Variants in CYRIA observed in about 807,000 individuals in gnomAD.
The protein encoded by CYRIA is CYFIP related Rac1 interactor A.
A neutral mutation model predicts 43.9 loss-of-function variants in CYRIA; 15 were observed. The observed-to-expected ratio is 0.34, with a 90% CI of 0.23 to 0.53. CYRIA has a LOEUF of 0.53. Ranked by LOEUF, CYRIA falls within the 20% of genes least tolerant of loss-of-function variation. CYRIA has a pLI of 0.94. For synonymous variants in CYRIA, 117 were observed against 136.0 expected (o/e 0.86, Z 0.97); for missense variants, 236 against 394.2 (o/e 0.60, Z 3.40).
At chr2:16,616,404 C>T (rs1668793961) in intron 2 of CYRIA, among the ~76,000 whole-genome samples, 1 of 152,200 alleles carries the variant, frequency 6.6e-6, no homozygotes, top group South Asian at 2.1e-4. Flanking sequence ...CACCCTTTGT[C>T]AACTCTCCAG....
At position 16,575,907 on chromosome 2, in the gene CYRIA, A is replaced by AAAT. The variant is rs1558409273; in HGVS notation, c.71-10141_71-10140insATT. On this transcript the variant is annotated intron_variant, in intron 3 of 11. Coordinates refer to ENST00000381323, the MANE Select transcript of CYRIA (RefSeq NM_030797.4). ...TAAATAAATAAATAAATAAATAAAT[A>AAAT]AAGAGCAGTTCCCCTGCACAAGCTC... Among the ~76,000 whole-genome samples, 5 of 151,922 alleles carry AAAT rather than the reference A, an allele frequency of 3.3e-5. No individual in the cohort carries two copies. The South Asian group carries it at 1.0e-3, about 32-fold the overall frequency.
At chr2:16,557,517 T>A (rs963414685) in intron 10 of CYRIA, among the ~76,000 whole-genome samples, 9 of 151,382 alleles carry the variant, frequency 5.9e-5, no homozygotes, top group African/African-American at 2.2e-4. Flanking sequence ...AACAGACTAG[T>A]ATCTGAATGG....
chr2:16,587,985 C>T, intron 3 of CYRIA, 65 bp downstream of exon 3: 1 of 1,010,478 alleles, frequency 9.9e-7, no homozygotes, highest in Non-Finnish European at 1.5e-6. Flanking sequence ...TATGTTATAA[C>T]TTCCTTATCA....
chr2:16,608,707 A>T (rs1422171680), intron 2 of CYRIA, among the ~76,000 whole-genome samples: 1 of 152,258 alleles, frequency 6.6e-6, no homozygotes, highest in African/African-American at 2.4e-5. Context: ...TTAGTGTAGC[A>T]TCTGGCATGC....
chr2:16,601,641 G>A (rs1312105193), intron 2 of CYRIA, among the ~76,000 whole-genome samples: 5 of 150,412 alleles, frequency 3.3e-5, no homozygotes, highest in Non-Finnish European at 7.4e-5. Flanking sequence ...ATGAGAGTTG[G>A]CTTTAAGGCT....
In CYRIA at chr2:16,555,153, G is replaced by T; in HGVS notation, c.838-14C>A. The T allele has an allele frequency of 6.2e-7, 1 of 1,609,300 alleles. No homozygotes were observed. The highest frequency in any genetic ancestry group is 8.5e-7 in the Non-Finnish European group (1 of 1,178,150). The stretch of plus-strand genomic sequence containing the variant: ...GCAGCCTTTCATCTAGGAGGAGAAA[G>T]CACAATGTTTGTTAATATCTTAGTA... On this transcript the variant is annotated splice_polypyrimidine_tract_variant and intron_variant, in intron 10 of 11. Coordinates refer to ENST00000381323, the MANE Select transcript of CYRIA (RefSeq NM_030797.4).
At chr2:16,640,454 G>C (rs1669641752) in intron 1 of CYRIA, among the ~76,000 whole-genome samples, 1 of 152,236 alleles carries the variant, frequency 6.6e-6, no homozygotes, top group South Asian at 2.1e-4. Context: ...GGCATTGAGA[G>C]GGCTTCCATC....
At chr2:16,612,700 C>A (rs719433) in intron 2 of CYRIA, among the ~76,000 whole-genome samples, 44,634 of 152,042 alleles carry the variant, frequency 0.29, 7,395 homozygotes, top group African/African-American at 0.45. Flanking sequence ...GGCTGAGCTG[C>A]GTGAGAAGTC....
At position 16,561,945 on chromosome 2, in the gene CYRIA, CT is replaced by C. The variant is rs1254262858; in HGVS notation, c.435+59del. 7.2e-6 allele frequency: 11 copies of C among 1,530,520 alleles called. No individual in the cohort carries two copies. In the East Asian group the frequency reaches 2.5e-4, roughly 35 times the overall value. The allele number at this position is 1,530,520 out of a possible 1,614,324, so 94.8% of individuals were successfully genotyped here. ...CCACCCCACAGCACTAACAGAACAG[CT>C]GTAAACAGTAGGTACTCAGTACAAG... On this transcript the variant is annotated intron_variant, in intron 6 of 11. Coordinates refer to ENST00000381323, the MANE Select transcript of CYRIA (RefSeq NM_030797.4).
chr2:16,554,369 A>G (rs940128499), intron 11 of CYRIA, among the ~76,000 whole-genome samples: 19 of 152,148 alleles, frequency 1.2e-4, no homozygotes, highest in Non-Finnish European at 5.9e-5. Context: ...TCAGAGCTAA[A>G]AAAAGCATCC....
intron 10 of CYRIA, among the ~76,000 whole-genome samples, chr2:16,558,065 G>A (rs138908630): frequency 7.2e-5 from 11 of 152,136 alleles, no homozygotes; most frequent in Non-Finnish European, 1.3e-4. Context: ...ATTTGTTAAG[G>A]ACATCCACAC....
In CYRIA at chr2:16,593,716, GTGTTTTT is replaced by G. The variant is rs1405153499; in HGVS notation, c.-10-5594_-10-5588del. On this transcript the variant is annotated intron_variant, in intron 2 of 11. Transcript: ENST00000381323. ...TGTGTGTGTTTTTTTTTGTGTGTGT[GTGTTTTT>G]TTTTTTTTTTTTTTTATTATACTCT... Among the ~76,000 whole-genome samples, 115 of 87,164 alleles carry G rather than the reference GTGTTTTT, an allele frequency of 1.3e-3. 4 individuals are homozygous for G. The highest frequency in any genetic ancestry group is 4.5e-3 in the African/African-American group (114 of 25,382). 57.2% of individuals were successfully genotyped at this position (87,164 alleles called of 152,430 possible).
chr2:16,601,968 C>T (rs1041656451), intron 2 of CYRIA, among the ~76,000 whole-genome samples: 1 of 152,174 alleles, frequency 6.6e-6, no homozygotes, highest in African/African-American at 2.4e-5. Flanking sequence ...TGACCTCTGC[C>T]TGTGTATACC....
chr2:16,607,032 T>C (rs2103484639), intron 2 of CYRIA, among the ~76,000 whole-genome samples: 1 of 152,312 alleles, frequency 6.6e-6, no homozygotes, highest in South Asian at 2.1e-4. Context: ...GAGATTAGCA[T>C]GCTCCGTGAA....
intron 10 of CYRIA, among the ~76,000 whole-genome samples, chr2:16,558,741 G>A (rs1331010477): frequency 6.6e-6 from 1 of 152,152 alleles, no homozygotes; most frequent in Non-Finnish European, 1.5e-5. Flanking sequence ...GCCAGGTACT[G>A]TGTGAGGCAA....
At chr2:16,605,261 A>G (rs1340528209) in intron 2 of CYRIA, among the ~76,000 whole-genome samples, 6 of 152,248 alleles carry the variant, frequency 3.9e-5, no homozygotes, top group Non-Finnish European at 8.8e-5. Flanking sequence ...ATAAACATCA[A>G]TAGTACAGCA....
intron 1 of CYRIA, among the ~76,000 whole-genome samples, chr2:16,653,733 C>A (rs1055215002): frequency 6.6e-6 from 1 of 152,096 alleles, no homozygotes; most frequent in Non-Finnish European, 1.5e-5. Context: ...ATGAATTTGA[C>A]GGGGACCTGG....
At chr2:16,664,854 G>A (rs1049494378) in intron 1 of CYRIA, among the ~76,000 whole-genome samples, 4 of 152,164 alleles carry the variant, frequency 2.6e-5, no homozygotes, top group East Asian at 1.9e-4. Context: ...GGGAGCAGGC[G>A]GGTAAACAAG....
chr2:16,615,181 C>T (rs1653709104), intron 2 of CYRIA, among the ~76,000 whole-genome samples: 1 of 152,222 alleles, frequency 6.6e-6, no homozygotes, highest in Admixed American at 6.5e-5. Flanking sequence ...GTCTCTCAAG[C>T]CCCACCTCAG....
Sources: gnomAD v4.1 joint callset for allele counts (sites outside exome capture counted in the v4.1 genomes callset) on GRCh38, gnomAD v4.1.1 for gene constraint, MANE v1.5 for transcripts, NCBI Gene and HGNC (gene_info 2026-07-23, HGNC 2026-07-21) for gene names.